The following UNC13C variants were observed in gnomAD, a reference collection of about 807,000 sequenced individuals.
The protein encoded by UNC13C is unc-13 homolog C.
Under a neutral mutation model 245.4 loss-of-function variants are expected in UNC13C, and 174 were observed. The ratio of observed to expected loss-of-function variants is 0.71; its 90% CI spans 0.63 to 0.80. The LOEUF (loss-of-function observed/expected upper bound fraction) is 0.80, where lower values mean the gene tolerates loss of function less well. UNC13C is among the 30% of genes least tolerant of loss of function. UNC13C has a pLI of 0.00. For synonymous variants in UNC13C, 992 were observed against 895.1 expected, an observed-to-expected ratio of 1.11 and a Z score of -1.93; for missense variants, 2,829 against 2,602.9, an observed-to-expected ratio of 1.09 and a Z score of -1.89.
chr15:54,153,799 C>G (rs2032627300), intron 4 of UNC13C, among the ~76,000 whole-genome samples: 1 of 151,808 alleles, frequency 6.6e-6, no homozygotes, highest in African/African-American at 2.4e-5. Context: ...CCTAGATAAA[C>G]TAGTAATAGG....
chr15:54,440,625 T>C (rs987060678), intron 19 of UNC13C, among the ~76,000 whole-genome samples: 2 of 152,064 alleles, frequency 1.3e-5, no homozygotes, highest in African/African-American at 4.8e-5. Flanking sequence ...GATGGGGCTG[T>C]AGATATCTCT....
At chr15:54,050,800 T>G in intron 2 of UNC13C, 1 of 594,624 alleles carries the variant, frequency 1.7e-6, no homozygotes, top group Middle Eastern at 5.6e-4. Context: ...AATACAGCCC[T>G]TCAGCAGTAG....
intron 2 of UNC13C, among the ~76,000 whole-genome samples, chr15:54,133,064 T>C (rs975346894): frequency 4.1e-4 from 63 of 152,166 alleles, no homozygotes; most frequent in Admixed American, 2.0e-3. Flanking sequence ...TTAGGTATTA[T>C]GAATATTTAT....
intron 4 of UNC13C, among the ~76,000 whole-genome samples, chr15:54,201,856 T>C (rs1037807666): frequency 2.0e-5 from 3 of 151,854 alleles, no homozygotes; most frequent in Non-Finnish European, 4.4e-5. Flanking sequence ...TCCGAATTGG[T>C]AAAGAGGAAT....
At chr15:54,220,543 A>T (rs2035192631) in intron 4 of UNC13C, among the ~76,000 whole-genome samples, 1 of 151,766 alleles carries the variant, frequency 6.6e-6, no homozygotes, top group Non-Finnish European at 1.5e-5. Flanking sequence ...ACATGTATAC[A>T]TATGTAACTA....
intron 2 of UNC13C, among the ~76,000 whole-genome samples, chr15:54,079,191 C>T (rs1898800626): frequency 2.0e-5 from 3 of 152,120 alleles, no homozygotes; most frequent in East Asian, 1.9e-4. Context: ...TGTACTTGTA[C>T]GATGTTCCTT....
chr15:54,166,210 A>G (rs995600359), intron 4 of UNC13C, among the ~76,000 whole-genome samples: 1 of 152,074 alleles, frequency 6.6e-6, no homozygotes, highest in African/African-American at 2.4e-5. Flanking sequence ...GATAATGCTT[A>G]CAAAACTATT....
intron 2 of UNC13C, among the ~76,000 whole-genome samples, chr15:54,105,101 A>G (rs549368043): frequency 1.3e-5 from 2 of 152,310 alleles, no homozygotes; most frequent in South Asian, 4.1e-4. Flanking sequence ...GGACAAGAGA[A>G]CTGATAGTTC....
At chr15:54,255,584 T>G (rs573824200) in intron 8 of UNC13C, among the ~76,000 whole-genome samples, 1 of 152,224 alleles carries the variant, frequency 6.6e-6, no homozygotes, top group Non-Finnish European at 1.5e-5. Flanking sequence ...CCTCTGCTGA[T>G]GTGCTCCTCT....
At chr15:53,897,496 T>A in the UNC13C span, among the ~76,000 whole-genome samples, 1 of 152,206 alleles carries the variant, frequency 6.6e-6, no homozygotes, top group African/African-American at 2.4e-5. Context: ...TCTAGGCTAG[T>A]CTTGAACTCC....
At chr15:54,410,660 T>C (rs2040398303) in intron 18 of UNC13C, among the ~76,000 whole-genome samples, 1 of 152,110 alleles carries the variant, frequency 6.6e-6, no homozygotes, top group Non-Finnish European at 1.5e-5. Context: ...AAAGACCAGA[T>C]GGTTGTAGGT....
chr15:54,183,483 G>A (rs552700510), intron 4 of UNC13C, among the ~76,000 whole-genome samples: 4 of 151,492 alleles, frequency 2.6e-5, no homozygotes, highest in Non-Finnish European at 5.9e-5. Context: ...ATATGATTTT[G>A]ATTCCTCAAT....
At chr15:54,275,852 A>G (rs1473892441) in intron 10 of UNC13C, among the ~76,000 whole-genome samples, 3 of 152,092 alleles carry the variant, frequency 2.0e-5, no homozygotes, top group South Asian at 2.1e-4. Flanking sequence ...ACTGAAAACA[A>G]CCCCAAGTCT....
intron 2 of UNC13C, among the ~76,000 whole-genome samples, chr15:54,025,455 G>A (rs772186989): frequency 2.6e-5 from 4 of 152,000 alleles, no homozygotes; most frequent in Non-Finnish European, 5.9e-5. Flanking sequence ...CTATGAAATG[G>A]GTATTATATT....
chr15:54,222,265 T>A (rs1237430035), intron 4 of UNC13C, among the ~76,000 whole-genome samples: 1 of 150,712 alleles, frequency 6.6e-6, no homozygotes, highest in African/African-American at 2.4e-5. Flanking sequence ...CTTCCCAGCC[T>A]CTGATAACCA....
the UNC13C span, chr15:53,947,547 A>C: frequency 6.6e-6 from 1 of 152,120 alleles, no homozygotes; most frequent in Non-Finnish European, 1.5e-5. Context: ...TTTTCCTGAA[A>C]ACTTAGACCA....
intron 2 of UNC13C, among the ~76,000 whole-genome samples, chr15:54,100,068 C>T (rs183110523): frequency 2.1e-5 from 3 of 145,414 alleles, no homozygotes; most frequent in East Asian, 4.1e-4. Flanking sequence ...CTACTGCTAC[C>T]GCACTCCAGC....
At chr15:54,345,377 A>G (rs1467098) in intron 17 of UNC13C, among the ~76,000 whole-genome samples, 71,902 of 152,026 alleles carry the variant, frequency 0.47, 17,396 homozygotes, top group East Asian at 0.74. Context: ...GTGCTTGCCT[A>G]AAGCCTCTTG....
intron 19 of UNC13C, among the ~76,000 whole-genome samples, chr15:54,444,661 C>G (rs1890708118): frequency 6.6e-6 from 1 of 151,830 alleles, no homozygotes; most frequent in Non-Finnish European, 1.5e-5. Flanking sequence ...ATAGTCATAA[C>G]ATTTACGTCC....
Sources: gnomAD v4.1 joint callset for allele counts (sites outside exome capture counted in the v4.1 genomes callset) on GRCh38, gnomAD v4.1.1 for gene constraint, MANE v1.5 for transcripts, NCBI Gene and HGNC (gene_info 2026-07-23, HGNC 2026-07-21) for gene names.